MYO16: variants seen among roughly 807,000 people sequenced by gnomAD.
MYO16 encodes myosin XVI.
MYO16 carries 94 observed loss-of-function variants against 205.3 expected under a neutral mutation model. That is an observed-to-expected ratio of 0.46 (90% CI 0.39 to 0.54). The LOEUF (loss-of-function observed/expected upper bound fraction) is 0.54, where lower values mean the gene tolerates loss of function less well. MYO16 is among the 20% of genes least tolerant of loss of function. The pLI is 0.00. For synonymous variants in MYO16, 988 were observed against 954.0 expected (o/e 1.04, Z -0.66); for missense variants, 2,315 against 2,387.5 (o/e 0.97, Z 0.63).
chr13:109,038,794 T>A (rs1886793216), intron 23 of MYO16, among the ~76,000 whole-genome samples: 1 of 152,210 alleles, frequency 6.6e-6, no homozygotes, highest in Admixed American at 6.5e-5. Flanking sequence ...TTAGTTATAT[T>A]TATTGAAATT....
chr13:109,171,435 A>G (rs1566547156), intron 33 of MYO16, among the ~76,000 whole-genome samples: 1 of 152,216 alleles, frequency 6.6e-6, no homozygotes, highest in African/African-American at 2.4e-5. Context: ...TCTAGGAAAC[A>G]TTTCTCTTTT....
At chr13:109,206,549 T>C (rs2139983666) in intron 34 of MYO16, 60 bp from the exon 35 acceptor site, 2 of 1,296,100 alleles carry the variant, frequency 1.5e-6, no homozygotes, top group East Asian at 2.3e-5. Context: ...GCTATCACAC[T>C]TCATACTCAT....
chr13:108,796,146 A>G (rs569606012), intron 6 of MYO16, among the ~76,000 whole-genome samples: 1 of 152,146 alleles, frequency 6.6e-6, no homozygotes, highest in East Asian at 1.9e-4. Context: ...CACGGCTATG[A>G]CTCTGCATGG....
At chr13:109,135,708 C>T (rs1353469926) in intron 31 of MYO16, among the ~76,000 whole-genome samples, 1 of 152,222 alleles carries the variant, frequency 6.6e-6, no homozygotes, top group Non-Finnish European at 1.5e-5. Context: ...TCAGGCTGCT[C>T]CTTTCAGTGT....
intron 2 of MYO16, among the ~76,000 whole-genome samples, chr13:108,701,848 C>A: frequency 6.6e-6 from 1 of 151,936 alleles, no homozygotes; most frequent in East Asian, 1.9e-4. Flanking sequence ...GGTATCTCCC[C>A]ACATAGAGAA....
At chr13:108,667,451 A>T (rs1310013023) in intron 2 of MYO16, among the ~76,000 whole-genome samples, 1 of 151,874 alleles carries the variant, frequency 6.6e-6, no homozygotes, top group Admixed American at 6.6e-5. Flanking sequence ...CCATTGTATC[A>T]TATTTTCTGG....
chr13:109,020,552 G>A (rs1885986697), intron 23 of MYO16, among the ~76,000 whole-genome samples: 1 of 152,144 alleles, frequency 6.6e-6, no homozygotes, highest in Admixed American at 6.5e-5. Flanking sequence ...CAGTGTTTCT[G>A]CATTTTCAGC....
chr13:108,811,252 G>T (rs1594312891), intron 7 of MYO16, among the ~76,000 whole-genome samples: 1 of 151,942 alleles, frequency 6.6e-6, no homozygotes, highest in East Asian at 1.9e-4. Context: ...TAAAAATTAA[G>T]CTATATTCAG....
chr13:108,619,485 G>T (rs1375354847), intron 1 of MYO16, among the ~76,000 whole-genome samples: 1 of 152,096 alleles, frequency 6.6e-6, no homozygotes, highest in Non-Finnish European at 1.5e-5. Flanking sequence ...TCTGTATGTT[G>T]AAATGTCTGC....
chr13:108,886,934 C>T (rs915344624), intron 13 of MYO16, among the ~76,000 whole-genome samples: 7 of 152,130 alleles, frequency 4.6e-5, no homozygotes, highest in Non-Finnish European at 8.8e-5. Context: ...TGTGTGCTTT[C>T]ATACAGCTTT....
In MYO16 at chr13:109,023,277, A is replaced by C. The variant is rs1257690464; in HGVS notation, c.2796+3366A>C. Among the ~76,000 whole-genome samples the C allele has an allele frequency of 2.7e-4, 27 of 99,564 alleles. 2 individuals are homozygous for C. The highest frequency in any genetic ancestry group is 9.4e-4 in the African/African-American group (23 of 24,558). The allele number at this position is 99,564 out of a possible 152,430, so 65.3% of individuals were successfully genotyped here. A position where few individuals can be genotyped will look rare whatever the true frequency, so the allele number is the denominator to read the frequency against. ...TTATATATTATACAGATATAAATAT[A>C]TATATTTATATATTATACAGATATA... On this transcript the variant is annotated intron_variant, in intron 23 of 34. Coordinates refer to ENST00000457511, the MANE Select transcript of MYO16 (RefSeq NM_001198950.3).
At chr13:108,964,284 CAT>C (rs1231588032) in intron 19 of MYO16, among the ~76,000 whole-genome samples, 1 of 152,212 alleles carries the variant, frequency 6.6e-6, no homozygotes, top group Non-Finnish European at 1.5e-5. Context: ...TTGAGAATGA[CAT>C]AGAAATTCCT....
intron 9 of MYO16, among the ~76,000 whole-genome samples, chr13:108,838,861 T>G (rs1315697288): frequency 6.6e-6 from 1 of 151,814 alleles, no homozygotes; most frequent in African/African-American, 2.4e-5. Context: ...TCTTGGGAAC[T>G]CTATGAATGA....
chr13:108,699,184 CAT>C (rs1491174338), intron 2 of MYO16, among the ~76,000 whole-genome samples: 3 of 150,706 alleles, frequency 2.0e-5, no homozygotes, highest in African/African-American at 7.3e-5. Flanking sequence ...TATATACACA[CAT>C]GTATATATAG....
At chr13:108,524,027 C>A in the MYO16 span, among the ~76,000 whole-genome samples, 4 of 151,902 alleles carry the variant, frequency 2.6e-5, no homozygotes, top group Non-Finnish European at 5.9e-5. Flanking sequence ...TGGCCGGGTG[C>A]GGAGGCTCAC....
intron 9 of MYO16, among the ~76,000 whole-genome samples, chr13:108,838,690 T>TATACACAC (rs1487944143): frequency 0.017 from 2,303 of 135,874 alleles, 67 homozygotes; most frequent in African/African-American, 0.06. Context: ...TATATATATA[T>TATACACAC]ACACACACAC....
At chr13:108,822,002 C>T (rs1464048839) in intron 8 of MYO16, among the ~76,000 whole-genome samples, 2 of 152,058 alleles carry the variant, frequency 1.3e-5, no homozygotes, top group Non-Finnish European at 2.9e-5. Context: ...TCAACTAAAG[C>T]AGATATGCCA....
At position 108,970,537 on chromosome 13, in the gene MYO16, G is replaced by C. The variant is rs111799331; in HGVS notation, c.2369+5635G>C. On this transcript the variant is annotated intron_variant, in intron 20 of 34. Transcript: ENST00000457511. ...TCTCCCACAGGCAAGGCCTGCGGGG[G>C]CAGCTGTCATGCTCCTGGGCTGCCG... Among the ~76,000 whole-genome samples the C allele has an allele frequency of 3.8e-3, 582 of 152,322 alleles. 3 individuals are homozygous for C. The highest frequency in any genetic ancestry group is 0.012 in the African/African-American group (511 of 41,580).
chr13:109,139,238 CCACTG>C (rs1207224966), intron 31 of MYO16, among the ~76,000 whole-genome samples: 1 of 152,206 alleles, frequency 6.6e-6, no homozygotes, highest in Admixed American at 6.5e-5. Context: ...CAGGTGTGAG[CCACTG>C]CACCCAGCCC....
Sources: allele counts gnomAD v4.1 joint callset (sites outside exome capture counted in the v4.1 genomes callset), GRCh38; gene constraint gnomAD v4.1.1; transcripts MANE v1.5; gene names NCBI Gene and HGNC (gene_info 2026-07-23, HGNC 2026-07-21).